SUPT3H: variants seen among roughly 807,000 people sequenced by gnomAD.
SUPT3H encodes the protein SPT3 homolog, SAGA and STAGA complex component, also known as transcription initiation protein SPT3 homolog.
A neutral mutation model predicts 44.3 loss-of-function variants in SUPT3H; 44 were observed. The ratio of observed to expected loss-of-function variants is 0.99; its 90% confidence interval spans 0.78 to 1.28. SUPT3H has a LOEUF of 1.28. SUPT3H is among the 50% of genes most tolerant of loss of function. The pLI is 0.00. For missense variants in SUPT3H, 380 were observed against 387.1 expected, an observed-to-expected ratio of 0.98 and a Z score of 0.15; for synonymous variants, 124 against 125.6, an observed-to-expected ratio of 0.99 and a Z score of 0.09.
intron 3 of SUPT3H, among the ~76,000 whole-genome samples, chr6:45,070,988 GT>G (rs1794300051): frequency 6.6e-6 from 1 of 151,966 alleles, no homozygotes; most frequent in Non-Finnish European, 1.5e-5. Context: ...TAATTAATCA[GT>G]ATGTTTGCTA....
chr6:44,816,675 A>G (rs1322807882), intron 11 of SUPT3H, among the ~76,000 whole-genome samples: 4 of 152,316 alleles, frequency 2.6e-5, no homozygotes, highest in Admixed American at 2.0e-4. Context: ...TAAAAACCAG[A>G]AATGAGACAT....
At chr6:45,052,532 G>A (rs1323152822) in intron 3 of SUPT3H, among the ~76,000 whole-genome samples, 3 of 152,124 alleles carry the variant, frequency 2.0e-5, no homozygotes, top group Non-Finnish European at 4.4e-5. Context: ...TATTGACTGC[G>A]TTTCTCAGTG....
At chr6:44,867,965 A>T (rs375196775) in intron 10 of SUPT3H, among the ~76,000 whole-genome samples, 8 of 146,100 alleles carry the variant, frequency 5.5e-5, no homozygotes, top group South Asian at 2.2e-4. Flanking sequence ...CCATTTTGGT[A>T]TTTTTTTTTT....
At chr6:45,047,574 G>T (rs1789594620) in intron 3 of SUPT3H, among the ~76,000 whole-genome samples, 1 of 151,792 alleles carries the variant, frequency 6.6e-6, no homozygotes, top group South Asian at 2.1e-4. Flanking sequence ...ATAGAAAGAA[G>T]GTTTTTAAAA....
chr6:45,292,660 C>T (rs1780494526), intron 2 of SUPT3H, among the ~76,000 whole-genome samples: 3 of 150,702 alleles, frequency 2.0e-5, no homozygotes, highest in Non-Finnish European at 4.4e-5. Flanking sequence ...TGCAAAAGGA[C>T]ACCAAAAGCA....
At chr6:45,050,278 AGTGTGTGTGTGT>A (rs57510967) in intron 3 of SUPT3H, among the ~76,000 whole-genome samples, 2 of 147,316 alleles carry the variant, frequency 1.4e-5, no homozygotes, top group South Asian at 2.2e-4. Context: ...CTTTTTCTGC[AGTGTGTGTGTGT>A]GTGTGTGTGT....
intron 2 of SUPT3H, among the ~76,000 whole-genome samples, chr6:45,246,900 C>A (rs1407301764): frequency 1.3e-5 from 2 of 152,110 alleles, no homozygotes; most frequent in Admixed American, 1.3e-4. Context: ...AGTCAATAAC[C>A]AAACCTTCCC....
At chr6:44,988,519 TA>T (rs66489332) in intron 6 of SUPT3H, among the ~76,000 whole-genome samples, 3,022 of 100,318 alleles carry the variant, frequency 0.03, 59 homozygotes, top group African/African-American at 0.1. Context: ...AAGGCTTAAA[TA>T]AAAAAAAAAA....
At chr6:44,818,943 C>A (rs992123057) in intron 11 of SUPT3H, among the ~76,000 whole-genome samples, 4 of 152,150 alleles carry the variant, frequency 2.6e-5, no homozygotes, top group African/African-American at 9.7e-5. Context: ...ATTCACTTAC[C>A]ATGAGTCAGT....
intron 10 of SUPT3H, among the ~76,000 whole-genome samples, chr6:44,838,573 T>C (rs1770359394): frequency 6.6e-6 from 1 of 152,150 alleles, no homozygotes; most frequent in Non-Finnish European, 1.5e-5. Context: ...TTGACTTATC[T>C]TGTTTCCAAA....
At chr6:45,057,803 C>G (rs1348586440) in intron 3 of SUPT3H, among the ~76,000 whole-genome samples, 3 of 152,092 alleles carry the variant, frequency 2.0e-5, no homozygotes, top group African/African-American at 7.2e-5. Context: ...TGCAGACAAA[C>G]TGCTGGGAAA....
intron 10 of SUPT3H, among the ~76,000 whole-genome samples, chr6:44,839,880 T>TGTACCCATCTC (rs1770645051): frequency 6.6e-6 from 1 of 152,130 alleles, no homozygotes; most frequent in Non-Finnish European, 1.5e-5. Context: ...TTTTGTATTT[T>TGTACCCATCTC]TAGTAGAGAT....
intron 2 of SUPT3H, among the ~76,000 whole-genome samples, chr6:45,212,067 G>A (rs6458427): frequency 0.58 from 87,512 of 151,470 alleles, 26,064 homozygotes; most frequent in African/African-American, 0.73. Context: ...TCTGGATGCT[G>A]AGATGAGAGA....
At chr6:44,908,596 G>C (rs1025697242) in intron 10 of SUPT3H, among the ~76,000 whole-genome samples, 1 of 152,094 alleles carries the variant, frequency 6.6e-6, no homozygotes, top group African/African-American at 2.4e-5. Flanking sequence ...GTATTTAAGA[G>C]AACTGCCAAC....
At chr6:44,893,548 A>C (rs933976053) in intron 10 of SUPT3H, among the ~76,000 whole-genome samples, 18 of 152,246 alleles carry the variant, frequency 1.2e-4, no homozygotes, top group Admixed American at 2.0e-4. Flanking sequence ...AAAGGACGTG[A>C]ACTCATCATT....
At chr6:45,240,144 C>A (rs1770014029) in intron 2 of SUPT3H, among the ~76,000 whole-genome samples, 1 of 152,136 alleles carries the variant, frequency 6.6e-6, no homozygotes, top group Non-Finnish European at 1.5e-5. Flanking sequence ...ACACCTGAAA[C>A]CTTATCATGA....
At chr6:45,226,079 A>C (rs1191911182) in intron 2 of SUPT3H, among the ~76,000 whole-genome samples, 1 of 152,222 alleles carries the variant, frequency 6.6e-6, no homozygotes, top group Non-Finnish European at 1.5e-5. Flanking sequence ...TTAAGCACTT[A>C]CAATGTGTCA....
intron 3 of SUPT3H, among the ~76,000 whole-genome samples, chr6:45,094,483 G>A (rs1797539342): frequency 6.6e-6 from 1 of 152,084 alleles, no homozygotes; most frequent in Non-Finnish European, 1.5e-5. Flanking sequence ...AAATGAATTG[G>A]TTAGTAGGAT....
At chr6:45,346,273 C>T (rs1581761920) in intron 2 of SUPT3H, among the ~76,000 whole-genome samples, 1 of 151,982 alleles carries the variant, frequency 6.6e-6, no homozygotes, top group East Asian at 1.9e-4. Context: ...TTTTAAATTG[C>T]AAAATCCATT....
Sources: allele counts gnomAD v4.1 joint callset (sites outside exome capture counted in the v4.1 genomes callset), GRCh38; gene constraint gnomAD v4.1.1; transcripts MANE v1.5; gene names NCBI Gene and HGNC (gene_info 2026-07-23, HGNC 2026-07-21).